SLC25A46: variants seen among roughly 807,000 people sequenced by gnomAD.
SLC25A46 encodes mitochondrial outer membrane protein SLC25A46.
SLC25A46 carries 39 observed loss-of-function variants against 44.6 expected under a neutral mutation model. The observed-to-expected ratio is 0.87, with a 90% CI of 0.68 to 1.14. The LOEUF is 1.14. SLC25A46 is among the 50% of genes most tolerant of loss of function. SLC25A46 has a pLI of 0.00. For synonymous variants in SLC25A46, 202 were observed against 185.8 expected, an observed-to-expected ratio of 1.09 and a Z score of -0.71; for missense variants, 547 against 522.7, an observed-to-expected ratio of 1.05 and a Z score of -0.45.
chr5:110,742,544 T>C (rs893640516), intron 2 of SLC25A46, among the ~76,000 whole-genome samples: 2 of 152,220 alleles, frequency 1.3e-5, no homozygotes, highest in Non-Finnish European at 2.9e-5. Flanking sequence ...ACATCAAACA[T>C]ACAGTGATCT....
chr5:110,748,935 G>A (rs1225715689), intron 5 of SLC25A46, among the ~76,000 whole-genome samples: 1 of 152,056 alleles, frequency 6.6e-6, no homozygotes, highest in Non-Finnish European at 1.5e-5. Flanking sequence ...ATATATAGAT[G>A]TTCTGATCAA....
At chr5:110,751,104 C>T (rs892600389) in intron 5 of SLC25A46, among the ~76,000 whole-genome samples, 1 of 152,076 alleles carries the variant, frequency 6.6e-6, no homozygotes, top group African/African-American at 2.4e-5. Flanking sequence ...TGATAAGGCC[C>T]ACTCATTAAT....
At chr5:110,744,201 A>G (rs1799759196) in intron 3 of SLC25A46, among the ~76,000 whole-genome samples, 1 of 152,208 alleles carries the variant, frequency 6.6e-6, no homozygotes, top group South Asian at 2.1e-4. Flanking sequence ...GGTTTTTGAA[A>G]GAAGCAAGGA....
At chr5:110,757,898 C>G (rs1238190288) in intron 7 of SLC25A46, among the ~76,000 whole-genome samples, 1 of 152,074 alleles carries the variant, frequency 6.6e-6, no homozygotes, top group Non-Finnish European at 1.5e-5. Context: ...TAAATTAGAC[C>G]TGGGACTTTA....
chr5:110,755,208 T>G (rs1159085706), intron 5 of SLC25A46: 1 of 261,782 alleles, frequency 3.8e-6, no homozygotes, highest in East Asian at 7.6e-5. Flanking sequence ...ATGTTTACTT[T>G]CATAATCAGT....
intron 2 of SLC25A46, 118 bp downstream of exon 2, chr5:110,742,207 G>GC (rs1799708635): frequency 4.8e-6 from 3 of 621,928 alleles, no homozygotes; most frequent in Non-Finnish European, 7.8e-6. Flanking sequence ...TGAAGCAGCA[G>GC]CTTAAATTTT....
rs1195808354 is a variant in SLC25A46 at position 110,761,945 on chromosome 5, G to A, written c.*163G>A. ...TCTTGACTTTGTTTTTTAAGGCATA[G>A]GTATATATTTTGGATCAAAATCCTT... On this transcript the variant is annotated 3_prime_UTR_variant, in exon 8 of 8. Transcript: ENST00000355943. This position sits in a 1 kb window ranked among gnomAD's most constrained non-coding sequence, Gnocchi z 5.3. The A allele has an allele frequency of 5.1e-6, 3 of 589,286 alleles. No individual in the cohort carries two copies. Among genetic ancestry groups the A allele is most frequent in the Admixed American group, 3.3e-5 (1 of 30,252 alleles). The allele number at this position is 589,286 out of a possible 1,614,324, so 36.5% of individuals were successfully genotyped here. A position where few individuals can be genotyped will look rare whatever the true frequency, so the allele number is the denominator to read the frequency against.
At chr5:110,752,308 C>CA (rs574781851) in intron 5 of SLC25A46, among the ~76,000 whole-genome samples, 28 of 152,230 alleles carry the variant, frequency 1.8e-4, no homozygotes, top group Admixed American at 3.3e-4. Context: ...ATCTCTTTAG[C>CA]AGTAGATACT....
intron 3 of SLC25A46, among the ~76,000 whole-genome samples, chr5:110,745,009 G>A (rs116609698): frequency 0.012 from 1,845 of 152,228 alleles, 46 homozygotes; most frequent in African/African-American, 0.042. Flanking sequence ...GGGTAAATGA[G>A]GTGAAAAATT....
chr5:110,744,158 G>A (rs1042733712), intron 3 of SLC25A46, among the ~76,000 whole-genome samples: 6 of 152,094 alleles, frequency 3.9e-5, no homozygotes, highest in African/African-American at 1.2e-4. Flanking sequence ...AGTTTCTCTC[G>A]TATGCTTCTG....
At chr5:110,743,706 T>C (rs771679956) in intron 2 of SLC25A46, 24 bp from the exon 3 acceptor site, 1 of 1,439,090 alleles carries the variant, frequency 6.9e-7, no homozygotes, top group Admixed American at 1.8e-5. Flanking sequence ...TAGACATACA[T>C]ATACATAAAT....
At chr5:110,754,540 T>C (rs548192994) in intron 5 of SLC25A46, 2 of 151,754 alleles carry the variant, frequency 1.3e-5, no homozygotes, top group South Asian at 2.1e-4. Context: ...CTTTTTTTTT[T>C]CTTCCTTCCT....
rs1174683751 is a variant in SLC25A46 at position 110,761,187 on chromosome 5, CA to C, written c.679-16del. The C allele has an allele frequency of 6.4e-7, 1 of 1,558,454 alleles. No homozygotes were observed. The highest frequency in any genetic ancestry group is 1.2e-5 in the South Asian group (1 of 83,734). ...AGCAAATGTTAAGTTTTACTTATTT[CA>C]TCATTTTTATTTCAGAGTGAGATAA... On this transcript the variant is annotated splice_polypyrimidine_tract_variant and intron_variant, in intron 7 of 7. Transcript: ENST00000355943. The surrounding 1 kb of genome is among the most constrained non-coding windows in gnomAD (Gnocchi z 5.3).
At chr5:110,738,295 G>A (rs1799426064), upstream of SLC25A46, 2 of 1,258,746 alleles carry the variant, frequency 1.6e-6, no homozygotes, top group Middle Eastern at 2.7e-4. Context: ...TCAATTAGAG[G>A]TCCCAATTTT....
chr5:110,756,202 G>T (rs1334020307), intron 6 of SLC25A46: 1 of 150,770 alleles, frequency 6.6e-6, no homozygotes, highest in Non-Finnish European at 1.5e-5. Flanking sequence ...TCTAAATATT[G>T]GTGATAGGAA....
At chr5:110,741,833 C>T (rs1799698088) in intron 1 of SLC25A46, 3 of 410,196 alleles carry the variant, frequency 7.3e-6, no homozygotes, top group Non-Finnish European at 1.3e-5. Flanking sequence ...GTGCTTTAAA[C>T]ACTCTACACC....
In SLC25A46 at chr5:110,756,736, G is replaced by T; in HGVS notation, c.655G>T (p.Ala219Ser). ...TYVVAMPFYS[A>S]SLIETVQSEI... The stretch of plus-strand genomic sequence containing the variant: ...CGTGGTGGCAATGCCTTTTTATTCA[G>T]CAAGTCTGATTGAAACAGTGCAGGT... The change falls in exon 7 of 8, where the codon GCA becomes TCA. Residue 219 changes from alanine to serine, a missense_variant. Physicochemically the swap from Ala to Ser is moderately conservative, Grantham distance 99. Coordinates refer to ENST00000355943, the MANE Select transcript of SLC25A46 (RefSeq NM_138773.4). 6.4e-7 allele frequency: 1 copy of T among 1,566,146 alleles called. No homozygotes were observed. Among genetic ancestry groups the T allele is most frequent in the Non-Finnish European group, 8.6e-7 (1 of 1,162,952 alleles).
chr5:110,738,954 T>C, upstream of SLC25A46: 1 of 1,440,948 alleles, frequency 6.9e-7, no homozygotes, highest in Non-Finnish European at 9.1e-7. Context: ...CGGAAGAGGC[T>C]ATAATCACGT....
chr5:110,756,031 C>T (rs1048762101), intron 6 of SLC25A46: 1 of 152,234 alleles, frequency 6.6e-6, no homozygotes, highest in Non-Finnish European at 1.5e-5. Context: ...TGCTGGCTCC[C>T]TCAGTGGGAC....
Sources: allele counts gnomAD v4.1 joint callset (sites outside exome capture counted in the v4.1 genomes callset), GRCh38; gene constraint gnomAD v4.1.1; non-coding constraint Gnocchi (gnomAD v3.1); transcripts MANE v1.5; gene names NCBI Gene and HGNC (gene_info 2026-07-23, HGNC 2026-07-21).